REPS2: variants seen among roughly 807,000 people sequenced by gnomAD.
REPS2 encodes the protein RALBP1 associated Eps domain containing 2.
A neutral mutation model predicts 53.6 loss-of-function variants in REPS2; 23 were observed. The observed-to-expected ratio is 0.43, with a 90% CI of 0.31 to 0.61. The LOEUF (loss-of-function observed/expected upper bound fraction) is 0.61. REPS2 is among the 20% of genes least tolerant of loss of function. REPS2 has a pLI of 0.11. For synonymous variants in REPS2, 238 were observed against 218.6 expected (o/e 1.09, Z -0.78); for missense variants, 446 against 534.9 (o/e 0.83, Z 1.64).
intron 8 of REPS2, among the ~76,000 whole-genome samples, chrX:17,058,968 T>C (rs1305169533): frequency 9.0e-6 from 1 of 111,112 alleles, no homozygotes; most frequent in Non-Finnish European, 1.9e-5. Flanking sequence ...TTTGTTCATT[T>C]TAATGGCATC....
At chrX:17,010,315 G>A (rs1483042647) in intron 2 of REPS2, among the ~76,000 whole-genome samples, 2 of 112,240 alleles carry the variant, frequency 1.8e-5, no homozygotes, top group Non-Finnish European at 1.9e-5. Flanking sequence ...TTGCATTGCC[G>A]TCAGACAAGA....
At chrX:17,076,854 C>A (rs1017069490) in intron 12 of REPS2, among the ~76,000 whole-genome samples, 1 of 111,759 alleles carries the variant, frequency 8.9e-6, no homozygotes, top group Admixed American at 9.5e-5. Flanking sequence ...TCCACATGAG[C>A]CTGTCATCAC....
At chrX:17,117,783 T>C (rs2063076676) in intron 14 of REPS2, among the ~76,000 whole-genome samples, 1 of 109,746 alleles carries the variant, frequency 9.1e-6, no homozygotes, top group African/African-American at 3.3e-5. Context: ...CCTCTGGGTA[T>C]ATACCCAGTA....
At chrX:17,079,465 G>A (rs1044780197) in intron 13 of REPS2, among the ~76,000 whole-genome samples, 2 of 111,687 alleles carry the variant, frequency 1.8e-5, no homozygotes, top group African/African-American at 6.5e-5. Flanking sequence ...CTTCCCTCCT[G>A]CCCTGTCTCA....
intron 14 of REPS2, among the ~76,000 whole-genome samples, chrX:17,124,897 C>T (rs1446564097): frequency 7.7e-5 from 8 of 103,262 alleles, no homozygotes; most frequent in Non-Finnish European, 1.4e-4. Flanking sequence ...TGCTCTGTCA[C>T]CCAGGCTGGA....
chrX:17,071,835 C>A (rs1360879158), intron 11 of REPS2, among the ~76,000 whole-genome samples: 1 of 111,909 alleles, frequency 8.9e-6, no homozygotes, highest in African/African-American at 3.3e-5. Context: ...GGTGGCAGTC[C>A]TTTTCCCTCT....
At chrX:17,153,934 G>A (rs1482704512), downstream of REPS2, among the ~76,000 whole-genome samples, 2 of 111,408 alleles carry the variant, frequency 1.8e-5, no homozygotes, top group East Asian at 5.7e-4. Context: ...AGAAATAAAA[G>A]GGATCTGAGA....
intron 2 of REPS2, among the ~76,000 whole-genome samples, chrX:17,012,392 C>CAAT (rs1384612687): frequency 9.1e-6 from 1 of 110,036 alleles, no homozygotes; most frequent in African/African-American, 3.3e-5. Flanking sequence ...ACAACAACAA[C>CAAT]AACAACAACA....
chrX:16,977,148 G>A lies in REPS2; in HGVS notation c.274-29073G>A, dbSNP rs1313768430. Among the ~76,000 whole-genome samples the A allele has an allele frequency of 5.4e-5, 6 of 111,665 alleles. No homozygotes were observed. The East Asian group carries it at 1.1e-3, about 21-fold the overall frequency. On this transcript the variant is annotated intron_variant, in intron 1 of 17. Transcript: ENST00000357277. Reference sequence around the variant, plus strand: ...TGAAGATTCAGCAGTTACTATAGGGGCCTTCTTTTGGCTTCTTGCTCTTGG... The same window carrying A: ...TGAAGATTCAGCAGTTACTATAGGGACCTTCTTTTGGCTTCTTGCTCTTGG...
intron 14 of REPS2, among the ~76,000 whole-genome samples, chrX:17,123,740 C>T (rs964217035): frequency 3.6e-5 from 4 of 112,263 alleles, no homozygotes; most frequent in Non-Finnish European, 7.5e-5. Flanking sequence ...TTTCTCCCCC[C>T]AATATTAGTA....
At chrX:17,192,624 T>G in the REPS2 span, among the ~76,000 whole-genome samples, 1 of 111,788 alleles carries the variant, frequency 8.9e-6, no homozygotes, top group Non-Finnish European at 1.9e-5. Context: ...TTAAAATTTT[T>G]GGTCTAACAT....
At chrX:16,970,299 C>T (rs1270507660) in intron 1 of REPS2, among the ~76,000 whole-genome samples, 3 of 109,522 alleles carry the variant, frequency 2.7e-5, no homozygotes, top group Non-Finnish European at 5.7e-5. Context: ...TGGGTTCAAG[C>T]GATTCTCCTG....
chrX:17,025,312 C>A (rs2061630457), intron 4 of REPS2, 127 bp downstream of exon 4: 1 of 717,183 alleles, frequency 1.4e-6, no homozygotes, highest in African/African-American at 2.2e-5. Context: ...AAACATGGCT[C>A]AATTTAATTT....
intron 14 of REPS2, among the ~76,000 whole-genome samples, chrX:17,124,610 A>G (rs890942263): frequency 1.8e-5 from 2 of 110,706 alleles, no homozygotes; most frequent in Admixed American, 1.9e-4. Context: ...GACAGGTGAA[A>G]ACTAGGCACC....
intron 1 of REPS2, among the ~76,000 whole-genome samples, chrX:16,973,584 A>G (rs2060920826): frequency 8.9e-6 from 1 of 111,934 alleles, no homozygotes; most frequent in African/African-American, 3.2e-5. Flanking sequence ...CAATATGGGC[A>G]TTTCTGGTTG....
At chrX:17,168,970 A>G in the REPS2 span, among the ~76,000 whole-genome samples, 21,053 of 111,736 alleles carry the variant, frequency 0.19, 1,690 homozygotes, top group African/African-American at 0.3. Context: ...GGCCTCAGGT[A>G]GCTCAGTACC....
At chrX:17,015,694 G>T (rs1290713890) in intron 2 of REPS2, among the ~76,000 whole-genome samples, 1 of 110,863 alleles carries the variant, frequency 9.0e-6, no homozygotes, top group Non-Finnish European at 1.9e-5. Flanking sequence ...AGTTTGCGGA[G>T]AATGATGGTT....
chrX:16,966,650 C>G (rs1194342591), intron 1 of REPS2, among the ~76,000 whole-genome samples: 2 of 112,088 alleles, frequency 1.8e-5, no homozygotes, highest in Non-Finnish European at 3.8e-5. Flanking sequence ...CACTCAGAAA[C>G]TTTCACATTT....
At chrX:17,043,858 G>A (rs1428994882) in intron 5 of REPS2, among the ~76,000 whole-genome samples, 1 of 112,735 alleles carries the variant, frequency 8.9e-6, no homozygotes, top group Non-Finnish European at 1.9e-5. Flanking sequence ...GAGCAGTGCC[G>A]TCTGTCATGG....
Sources: gnomAD v4.1 joint callset for allele counts (sites outside exome capture counted in the v4.1 genomes callset) on GRCh38, gnomAD v4.1.1 for gene constraint, MANE v1.5 for transcripts, NCBI Gene and HGNC (gene_info 2026-07-23, HGNC 2026-07-21) for gene names.